The following DRAM1 variants were observed in gnomAD, a reference collection of about 807,000 sequenced individuals.
DRAM1 encodes DNA damage regulated autophagy modulator 1.
In DRAM1, 25 loss-of-function variants were observed where a neutral mutation model predicts 28.5. That is an observed-to-expected ratio of 0.88 (90% CI 0.64 to 1.23). The LOEUF is 1.23. DRAM1 is among the 50% of genes most tolerant of loss of function. The pLI is 0.00. For missense variants in DRAM1, 249 were observed against 299.2 expected, an observed-to-expected ratio of 0.83 and a Z score of 1.24; for synonymous variants, 113 against 114.2, an observed-to-expected ratio of 0.99 and a Z score of 0.07.
At position 101,877,729 on chromosome 12, in the gene DRAM1, G is replaced by C. The variant is rs1028850543; in HGVS notation, c.-61G>C. On this transcript the variant is annotated 5_prime_UTR_variant, in exon 1 of 7. Coordinates refer to ENST00000258534, the MANE Select transcript of DRAM1 (RefSeq NM_018370.3). The surrounding 1 kb of genome is among the most constrained non-coding windows in gnomAD (Gnocchi z 4.1). The stretch of plus-strand genomic sequence containing the variant: ...CCCGGCCGCCGCCTCCAGGCAGCCC[G>C]GAGCAACCCGGCGCCCGGCCCCGCT... 50 of 1,311,126 alleles carry C rather than the reference G, an allele frequency of 3.8e-5. No homozygotes were observed. Among genetic ancestry groups the C allele is most frequent in the Non-Finnish European group, 4.9e-5 (50 of 1,027,814 alleles). 81.2% of individuals were successfully genotyped at this position (1,311,126 alleles called of 1,614,324 possible).
chr12:101,893,571 A>G (rs1442394855), intron 1 of DRAM1, among the ~76,000 whole-genome samples: 1 of 152,182 alleles, frequency 6.6e-6, no homozygotes, highest in Non-Finnish European at 1.5e-5. Context: ...CTGTATTGGG[A>G]TAGGGAATCC....
chr12:101,920,267 G>C, intron 6 of DRAM1, 66 bp downstream of exon 6: 1 of 1,070,040 alleles, frequency 9.3e-7, no homozygotes, highest in Non-Finnish European at 1.4e-6. Context: ...ATTTGCAGAA[G>C]ACATTTTGCA....
At chr12:101,898,104 T>C (rs2121087757) in intron 2 of DRAM1, among the ~76,000 whole-genome samples, 174 bp downstream of exon 2, 1 of 152,276 alleles carries the variant, frequency 6.6e-6, no homozygotes, top group South Asian at 2.1e-4. Flanking sequence ...CACTGCAGCC[T>C]CAACCTGCCA....
chr12:101,879,792 G>A (rs982493231), intron 1 of DRAM1, among the ~76,000 whole-genome samples: 7 of 152,016 alleles, frequency 4.6e-5, no homozygotes, highest in Non-Finnish European at 7.4e-5. Flanking sequence ...TCAAGAGATC[G>A]AGACCATCCT....
chr12:101,920,387 A>C (rs1199509596), intron 6 of DRAM1, among the ~76,000 whole-genome samples, 186 bp downstream of exon 6: 3 of 117,300 alleles, frequency 2.6e-5, no homozygotes, highest in Non-Finnish European at 5.1e-5. Context: ...CTCACTGCAA[A>C]AAGAGCACTT....
intron 3 of DRAM1, among the ~76,000 whole-genome samples, chr12:101,904,801 A>G (rs1267273429): frequency 1.3e-5 from 2 of 152,108 alleles, no homozygotes; most frequent in Non-Finnish European, 2.9e-5. Flanking sequence ...TACCTTTTAA[A>G]TTACCAAGAG....
chr12:101,887,173 C>T (rs1170123485), intron 1 of DRAM1, among the ~76,000 whole-genome samples: 3 of 149,318 alleles, frequency 2.0e-5, no homozygotes, highest in East Asian at 2.0e-4. Context: ...TGGTTAAATG[C>T]TTTGGAAAGA....
chr12:101,909,329 CG>C (rs1235552395), intron 4 of DRAM1, among the ~76,000 whole-genome samples: 1 of 151,756 alleles, frequency 6.6e-6, no homozygotes, highest in Non-Finnish European at 1.5e-5. Flanking sequence ...AGTCTCTTTG[CG>C]GGGAAGAATG....
intron 4 of DRAM1, among the ~76,000 whole-genome samples, chr12:101,908,893 C>CAA (rs56843086): frequency 0.014 from 991 of 70,842 alleles, 8 homozygotes; most frequent in Middle Eastern, 0.034. Flanking sequence ...TCCCCACAAC[C>CAA]AAAAAAAAAA....
rs12310820 is a variant in DRAM1 at position 101,884,109 on chromosome 12, G to C, written c.131+6189G>C. On this transcript the variant is annotated intron_variant, in intron 1 of 6. Transcript: ENST00000258534. ...AAAAAATTAGTTTAGATTTGCACTC[G>C]GGTGTGGTGCCTTATGCCTGTAATC... Among the ~76,000 whole-genome samples, 1,097 of 152,014 alleles carry C rather than the reference G, an allele frequency of 7.2e-3. 15 individuals carry two copies. Among genetic ancestry groups the C allele is most frequent in the African/African-American group, 0.025 (1,022 of 41,470 alleles).
chr12:101,914,044 T>C, intron 4 of DRAM1, 130 bp from the exon 5 acceptor site: 1 of 476,180 alleles, frequency 2.1e-6, no homozygotes, highest in Middle Eastern at 5.5e-4. Flanking sequence ...AACATTTTAA[T>C]TGATGATAGA....
intron 1 of DRAM1, among the ~76,000 whole-genome samples, chr12:101,887,394 G>C (rs964742508): frequency 1.7e-4 from 26 of 152,136 alleles, no homozygotes; most frequent in Non-Finnish European, 3.4e-4. Context: ...ATGCCAAGAA[G>C]ACATAGTGGA....
intron 5 of DRAM1, 139 bp downstream of exon 5, chr12:101,914,371 A>G: frequency 2.0e-6 from 1 of 512,720 alleles, no homozygotes; most frequent in South Asian, 3.7e-5. Flanking sequence ...TAATCAATTT[A>G]CTGTCCAATC....
chr12:101,879,624 CT>C (rs1872619806), intron 1 of DRAM1, among the ~76,000 whole-genome samples: 1 of 150,542 alleles, frequency 6.6e-6, no homozygotes, highest in African/African-American at 2.4e-5. Flanking sequence ...GGCTTGGTTT[CT>C]CATGGCACAT....
intron 3 of DRAM1, among the ~76,000 whole-genome samples, chr12:101,905,515 C>G (rs1207675378): frequency 6.6e-6 from 1 of 152,078 alleles, no homozygotes; most frequent in African/African-American, 2.4e-5. Flanking sequence ...CTCCTGAGCT[C>G]AAGTGATACA....
chr12:101,895,188 T>TTTTTTTTTTTTTGTTTTTTG (rs1566123812), intron 1 of DRAM1, among the ~76,000 whole-genome samples: 2 of 38,084 alleles, frequency 5.3e-5, no homozygotes, highest in African/African-American at 1.4e-4. Flanking sequence ...CCCTTCAGGT[T>TTTTTTTTTTTTTGTTTTTTG]TTTTTTTTTT....
chr12:101,880,326 C>T (rs989659743), intron 1 of DRAM1, among the ~76,000 whole-genome samples: 19 of 138,992 alleles, frequency 1.4e-4, no homozygotes, highest in African/African-American at 1.8e-4. Flanking sequence ...CTTGCTCTGT[C>T]GCCCAGGCTG....
At chr12:101,920,226 T>C (rs1268516296) in intron 6 of DRAM1, 25 bp downstream of exon 6, 3 of 1,538,936 alleles carry the variant, frequency 1.9e-6, no homozygotes, top group Non-Finnish European at 2.7e-6. Context: ...ATTCAAATGT[T>C]TTAAATTGCG....
intron 3 of DRAM1, among the ~76,000 whole-genome samples, chr12:101,904,437 T>TG (rs1873723757): frequency 1.4e-5 from 1 of 72,962 alleles, no homozygotes; most frequent in Non-Finnish European, 2.4e-5. Flanking sequence ...GTTTTTTTTT[T>TG]TTTTTTTTTT....
Sources: gnomAD v4.1 joint callset for allele counts (sites outside exome capture counted in the v4.1 genomes callset) on GRCh38, gnomAD v4.1.1 for gene constraint, Gnocchi (gnomAD v3.1) non-coding constraint, MANE v1.5 for transcripts, NCBI Gene and HGNC (gene_info 2026-07-23, HGNC 2026-07-21) for gene names.